Variants in CDH10 observed in about 807,000 individuals in gnomAD.
CDH10 encodes the protein cadherin 10.
In CDH10, 30 loss-of-function variants were observed where a neutral mutation model predicts 73.1. The ratio of observed to expected loss-of-function variants is 0.41; its 90% CI spans 0.31 to 0.56. The LOEUF (loss-of-function observed/expected upper bound fraction) is 0.56, where lower values mean the gene tolerates loss of function less well. Ranked by LOEUF, CDH10 falls within the 20% of genes least tolerant of loss-of-function variation. CDH10 has a pLI of 0.27. For synonymous variants in CDH10, 345 were observed against 348.2 expected, an observed-to-expected ratio of 0.99 and a Z score of 0.10; for missense variants, 815 against 973.7, an observed-to-expected ratio of 0.84 and a Z score of 2.17.
chr5:24,586,838 A>ATTTTTTTTTTTTTTT (rs1746022695), intron 2 of CDH10, among the ~76,000 whole-genome samples: 1 of 115,842 alleles, frequency 8.6e-6, no homozygotes, highest in African/African-American at 4.1e-5. Flanking sequence ...AAGATAGCCC[A>ATTTTTTTTTTTTTTT]TATTCTTTTT....
chr5:24,494,796 T>G lies in CDH10; in HGVS notation c.1516-1871A>C, dbSNP rs533054664. Reference sequence around the variant, plus strand: ...TAAAGATCAGTAGTTAATTTATACATTTTGAATATCATAAAAGGGGTAAGC... The same window carrying G: ...TAAAGATCAGTAGTTAATTTATACAGTTTGAATATCATAAAAGGGGTAAGC... On this transcript the variant is annotated intron_variant, in intron 9 of 11. Coordinates refer to ENST00000264463, the MANE Select transcript of CDH10 (RefSeq NM_006727.5). Among the ~76,000 whole-genome samples, 69 of 152,206 alleles carry G rather than the reference T, an allele frequency of 4.5e-4. No homozygotes were observed. The South Asian group carries it at 0.012, about 27-fold the overall frequency.
At chr5:24,625,605 A>G (rs939126866) in intron 1 of CDH10, among the ~76,000 whole-genome samples, 9 of 148,060 alleles carry the variant, frequency 6.1e-5, no homozygotes, top group African/African-American at 1.5e-4. Flanking sequence ...ATATATGTGT[A>G]TATATATATT....
Position 24,537,255 on chromosome 5 carries a change from A to T in CDH10, c.526+125T>A, listed in dbSNP as rs976753233. ...TGATTGTCTCCTAAAAGAAAAAATAAATAAATATGTACTCATGGTAGCAAA... is the reference window on the plus strand; with the variant it reads ...TGATTGTCTCCTAAAAGAAAAAATATATAAATATGTACTCATGGTAGCAAA... On this transcript the variant is annotated intron_variant, in intron 3 of 11. Coordinates refer to ENST00000264463, the MANE Select transcript of CDH10 (RefSeq NM_006727.5). The T allele has an allele frequency of 6.5e-6, 4 of 617,682 alleles. No homozygotes were observed. In the African/African-American group the frequency reaches 7.7e-5, roughly 12 times the overall value. 38.3% of individuals were successfully genotyped at this position (617,682 alleles called of 1,614,324 possible).
intron 1 of CDH10, among the ~76,000 whole-genome samples, chr5:24,624,215 A>G (rs1417098753): frequency 2.0e-5 from 3 of 152,136 alleles, no homozygotes; most frequent in African/African-American, 7.2e-5. Flanking sequence ...CACTTATTAC[A>G]AATAAGCCAT....
At chr5:24,624,753 T>A (rs991433426) in intron 1 of CDH10, among the ~76,000 whole-genome samples, 1 of 152,126 alleles carries the variant, frequency 6.6e-6, no homozygotes, top group Non-Finnish European at 1.5e-5. Flanking sequence ...AAAAGGCAAG[T>A]CTGGAATCCA....
intron 5 of CDH10, among the ~76,000 whole-genome samples, chr5:24,514,528 G>T (rs1457765695): frequency 6.6e-6 from 1 of 152,062 alleles, no homozygotes; most frequent in Non-Finnish European, 1.5e-5. Context: ...CTAACCTGTT[G>T]ATTGCAAGAA....
chr5:24,629,609 A>T (rs1007984239), intron 1 of CDH10, among the ~76,000 whole-genome samples: 1 of 151,856 alleles, frequency 6.6e-6, no homozygotes, highest in African/African-American at 2.4e-5. Context: ...GCCTGGTGGG[A>T]GGTGACTGGA....
intron 2 of CDH10, among the ~76,000 whole-genome samples, chr5:24,558,565 T>G (rs1343895342): frequency 6.6e-6 from 1 of 151,646 alleles, no homozygotes; most frequent in South Asian, 2.1e-4. Context: ...TATAGAATAC[T>G]GCATTCAACT....
intron 1 of CDH10, among the ~76,000 whole-genome samples, chr5:24,611,517 G>A (rs78426212): frequency 2.9e-3 from 443 of 152,138 alleles, no homozygotes; most frequent in Non-Finnish European, 4.3e-3. Context: ...GTAAAATATC[G>A]AAAAATATAG....
intron 1 of CDH10, among the ~76,000 whole-genome samples, chr5:24,594,787 TTTTA>T (rs777940917): frequency 6.6e-6 from 1 of 152,106 alleles, no homozygotes; most frequent in African/African-American, 2.4e-5. Flanking sequence ...ACTCCATGTA[TTTTA>T]TTTATTTATT....
chr5:24,634,362 T>C (rs1360295062), intron 1 of CDH10, among the ~76,000 whole-genome samples: 1 of 151,858 alleles, frequency 6.6e-6, no homozygotes, highest in African/African-American at 2.4e-5. Context: ...GTTTTTAGCC[T>C]TTGTAAAGTC....
intron 1 of CDH10, among the ~76,000 whole-genome samples, chr5:24,609,021 G>A (rs1746855705): frequency 6.6e-6 from 1 of 152,200 alleles, no homozygotes; most frequent in African/African-American, 2.4e-5. Context: ...TGATTATATA[G>A]TTCTGAGTTT....
intron 2 of CDH10, among the ~76,000 whole-genome samples, chr5:24,553,812 G>A (rs186504588): frequency 3.3e-5 from 5 of 152,088 alleles, no homozygotes; most frequent in Non-Finnish European, 2.9e-5. Flanking sequence ...TGGAGAGAAC[G>A]TAAGTAGCTA....
chr5:24,615,744 C>A (rs1401435284), intron 1 of CDH10, among the ~76,000 whole-genome samples: 1 of 152,160 alleles, frequency 6.6e-6, no homozygotes, highest in Non-Finnish European at 1.5e-5. Context: ...GCCATGCCTA[C>A]TTATTAGACT....
intron 1 of CDH10, among the ~76,000 whole-genome samples, chr5:24,638,274 G>T (rs1337985521): frequency 1.3e-5 from 2 of 151,240 alleles, no homozygotes; most frequent in Non-Finnish European, 3.0e-5. Flanking sequence ...TTGAAAATTA[G>T]GATATATATT....
chr5:24,586,126 T>C (rs1397779509), intron 2 of CDH10, among the ~76,000 whole-genome samples: 3 of 152,194 alleles, frequency 2.0e-5, no homozygotes, highest in Non-Finnish European at 4.4e-5. Context: ...TAGTATACAT[T>C]CTTACAGCTC....
In CDH10 at chr5:24,616,541, G is replaced by C. The variant is rs539405475; in HGVS notation, c.-123-22928C>G. 2.6e-5 allele frequency among the ~76,000 whole-genome samples: 4 copies of C among 152,044 alleles called. No homozygotes were observed. The South Asian group carries it at 8.3e-4, about 32-fold the overall frequency. On this transcript the variant is annotated intron_variant, in intron 1 of 11. Transcript: ENST00000264463. ...AGCTCATACAAAGAAAAGGCTATTA[G>C]TAGATTGCAATTTTTTTTTTCAAAA... is the stretch of plus-strand genomic sequence containing the variant.
At chr5:24,535,071 A>C (rs769519489) in intron 5 of CDH10, 41 bp downstream of exon 5, 1 of 1,497,384 alleles carries the variant, frequency 6.7e-7, no homozygotes, top group Non-Finnish European at 8.9e-7. Context: ...TTTTTACTCT[A>C]AATCTTTTGC....
chr5:24,629,794 C>G (rs972347356), intron 1 of CDH10, among the ~76,000 whole-genome samples: 1 of 152,084 alleles, frequency 6.6e-6, no homozygotes, highest in Non-Finnish European at 1.5e-5. Flanking sequence ...TGAGGCCTCC[C>G]CAGCCATGCA....
Sources: allele counts gnomAD v4.1 joint callset (sites outside exome capture counted in the v4.1 genomes callset), GRCh38; gene constraint gnomAD v4.1.1; transcripts MANE v1.5; gene names NCBI Gene and HGNC (gene_info 2026-07-23, HGNC 2026-07-21).